Variants in PLCG2 observed in about 807,000 individuals in gnomAD.
PLCG2 encodes phospholipase C gamma 2.
Under a neutral mutation model 175.6 loss-of-function variants are expected in PLCG2, and 69 were observed. That is an observed-to-expected ratio of 0.39 (90% confidence interval 0.32 to 0.48). The LOEUF is 0.48. Among genes scored for constraint, PLCG2 ranks in the 20% least tolerant of loss-of-function variants. PLCG2 has a pLI of 0.91. For missense variants in PLCG2, 1,798 were observed against 1,650.9 expected, an observed-to-expected ratio of 1.09 and a Z score of -1.54; for synonymous variants, 827 against 624.0, an observed-to-expected ratio of 1.33 and a Z score of -4.85.
intron 1 of PLCG2, among the ~76,000 whole-genome samples, chr16:81,754,295 TTCCCTCGCCTC>T (rs1909874600): frequency 2.5e-5 from 1 of 40,414 alleles, no homozygotes; most frequent in Non-Finnish European, 4.8e-5. Context: ...CCCCACCTCC[TTCCCTCGCCTC>T]CCCCACCTCC....
intron 30 of PLCG2, among the ~76,000 whole-genome samples, chr16:81,944,819 T>C (rs2143750918): frequency 6.6e-6 from 1 of 152,264 alleles, no homozygotes; most frequent in East Asian, 1.9e-4. Flanking sequence ...CCAAGGATTT[T>C]GGTATCTGGG....
At chr16:81,847,767 G>A (rs1281087764) in intron 2 of PLCG2, among the ~76,000 whole-genome samples, 5 of 152,154 alleles carry the variant, frequency 3.3e-5, no homozygotes, top group Non-Finnish European at 7.3e-5. Flanking sequence ...CATTTACATT[G>A]TATTAGGTAT....
intron 31 of PLCG2, among the ~76,000 whole-genome samples, chr16:81,954,056 T>C (rs1911469573): frequency 6.6e-6 from 1 of 152,180 alleles, no homozygotes; most frequent in East Asian, 1.9e-4. Context: ...AGGGTCTCAT[T>C]GTCTTGCCCA....
chr16:81,894,283 G>GC (rs111678972), intron 12 of PLCG2, among the ~76,000 whole-genome samples: 75 of 152,270 alleles, frequency 4.9e-4, no homozygotes, highest in African/African-American at 1.7e-3. Context: ...AAAAAAATTA[G>GC]CTGTGTGTAG....
chr16:81,858,010 C>T (rs1906769792), intron 3 of PLCG2: 2 of 466,126 alleles, frequency 4.3e-6, no homozygotes, highest in Non-Finnish European at 7.8e-6. Context: ...TAGCTGATTC[C>T]ATTTGGCACA....
intron 20 of PLCG2, 114 bp downstream of exon 20, chr16:81,919,778 AG>A (rs1909986992): frequency 1.2e-6 from 1 of 811,850 alleles, no homozygotes; most frequent in African/African-American, 1.7e-5. Context: ...ATACTGCTGT[AG>A]GTCCTGGGGA....
chr16:81,805,131 C>G (rs923265622), intron 2 of PLCG2, among the ~76,000 whole-genome samples: 2 of 152,102 alleles, frequency 1.3e-5, no homozygotes, highest in African/African-American at 4.8e-5. Flanking sequence ...ACAAGACAAG[C>G]CACAGATAGG....
intron 2 of PLCG2, among the ~76,000 whole-genome samples, chr16:81,811,364 C>G (rs1288114968): frequency 6.6e-6 from 1 of 152,138 alleles, no homozygotes; most frequent in African/African-American, 2.4e-5. Context: ...GATGGTTTTG[C>G]ACGTCGGGGT....
intron 2 of PLCG2, among the ~76,000 whole-genome samples, chr16:81,795,498 A>G (rs1352510745): frequency 6.6e-6 from 1 of 152,166 alleles, no homozygotes; most frequent in African/African-American, 2.4e-5. Flanking sequence ...TCAAATCATG[A>G]TCCAGTGGGA....
At chr16:81,832,889 T>G (rs1905323545) in intron 2 of PLCG2, among the ~76,000 whole-genome samples, 1 of 152,068 alleles carries the variant, frequency 6.6e-6, no homozygotes, top group Non-Finnish European at 1.5e-5. Flanking sequence ...GATAGGAAGG[T>G]GTCAGCGTGT....
rs187113357 is a variant in PLCG2, at chr16:81,946,185, C to T, written c.3492C>T (p.Ser1164=). ...PIKAVKSGFR[S]VPLKNGYSED... ...CTTGTTCTGCTTCAGGATTCAGGTC[C>T]GTTCCTCTGAAGAATGGGTACAGCG... is the stretch of plus-strand genomic sequence containing the variant. Residue 1164 remains serine, a synonymous_variant, in exon 31 of 33, where the codon TCC becomes TCT. Coordinates refer to ENST00000564138, the MANE Select transcript of PLCG2 (RefSeq NM_002661.5). 3.4e-5 allele frequency: 55 copies of T among 1,613,350 alleles called. No homozygotes were observed. The highest frequency in any genetic ancestry group is 3.3e-4 in the Middle Eastern group (2 of 6,058).
intron 5 of PLCG2, among the ~76,000 whole-genome samples, chr16:81,866,929 G>A (rs1330672273): frequency 6.6e-6 from 1 of 152,218 alleles, no homozygotes; most frequent in Non-Finnish European, 1.5e-5. Flanking sequence ...CAAGCCCCTG[G>A]GGCAACTTCC....
Position 81,961,371 on chromosome 16 carries a change from A to T in PLCG2, c.*3373A>T. ...GAGAAAAGCCCTCTTTATCTCATTA[A>T]GTGATACATTTCCAAAGAAGTTTTA... is the stretch of plus-strand genomic sequence containing the variant. On this transcript the variant is annotated 3_prime_UTR_variant, in exon 33 of 33. Transcript: ENST00000564138. 4.4e-6 allele frequency: 1 copy of T among 226,564 alleles called. No homozygotes were observed. The highest frequency in any genetic ancestry group is 1.8e-4 in the South Asian group (1 of 5,486). The allele number at this position is 226,564 out of a possible 1,614,324, so 14.0% of individuals were successfully genotyped here.
intron 15 of PLCG2, among the ~76,000 whole-genome samples, chr16:81,906,552 T>C (rs1423666574): frequency 6.6e-6 from 1 of 152,236 alleles, no homozygotes; most frequent in Admixed American, 6.5e-5. Context: ...TCTTCCCAAG[T>C]AACTGGGACC....
At chr16:81,746,616 AG>A (rs1909712756) in intron 1 of PLCG2, among the ~76,000 whole-genome samples, 1 of 152,248 alleles carries the variant, frequency 6.6e-6, no homozygotes, top group Non-Finnish European at 1.5e-5. Context: ...CCAAGGAGGC[AG>A]AGAATAAGAG....
At chr16:81,874,989 A>T (rs1320259246) in intron 7 of PLCG2, among the ~76,000 whole-genome samples, 2 of 46,304 alleles carry the variant, frequency 4.3e-5, no homozygotes, top group East Asian at 7.0e-4. Flanking sequence ...TTTGAGACAG[A>T]GTCTTTCTCT....
At chr16:81,936,415 G>T (rs1452870637) in intron 27 of PLCG2, 37 bp downstream of exon 27, 1 of 1,574,002 alleles carries the variant, frequency 6.4e-7, no homozygotes, top group Admixed American at 1.7e-5. Flanking sequence ...TCCCTGCAAG[G>T]TGGCGGTTGC....
intron 7 of PLCG2, among the ~76,000 whole-genome samples, chr16:81,880,103 T>C (rs1908005748): frequency 6.6e-6 from 1 of 152,102 alleles, no homozygotes; most frequent in Admixed American, 6.5e-5. Context: ...TAGCCGGGCA[T>C]GGTGGCGCAT....
intron 5 of PLCG2, among the ~76,000 whole-genome samples, chr16:81,865,979 C>T (rs1907211961): frequency 7.3e-6 from 1 of 136,784 alleles, no homozygotes; most frequent in Non-Finnish European, 1.6e-5. Flanking sequence ...TCCACTGGGG[C>T]ACCAGCGTGA....
Sources: gnomAD v4.1 joint callset for allele counts (sites outside exome capture counted in the v4.1 genomes callset) on GRCh38, gnomAD v4.1.1 for gene constraint, MANE v1.5 for transcripts, NCBI Gene and HGNC (gene_info 2026-07-23, HGNC 2026-07-21) for gene names.